FBLN1: variants seen among roughly 807,000 people sequenced by gnomAD.
FBLN1 encodes the protein fibulin-1.
Under a neutral mutation model 89.7 loss-of-function variants are expected in FBLN1, and 34 were observed. The ratio of observed to expected loss-of-function variants is 0.38; its 90% confidence interval spans 0.29 to 0.50. FBLN1 has a LOEUF of 0.50. Ranked by LOEUF, FBLN1 falls within the 20% of genes least tolerant of loss-of-function variation. The pLI is 0.92. For synonymous variants in FBLN1, 393 were observed against 391.3 expected (o/e 1.00, Z -0.05); for missense variants, 777 against 988.1 (o/e 0.79, Z 2.86).
At position 45,587,177 on chromosome 22, in the gene FBLN1, C is replaced by T. The variant is rs140851452; in HGVS notation, c.1972+10069C>T. ...CACTGGTTCCTGACGCTGGAAGGCA[C>T]GAACCCACTCCCCACACCCACAGCC... On this transcript the variant is annotated intron_variant, in intron 16 of 16. Coordinates refer to ENST00000327858, the MANE Select transcript of FBLN1 (RefSeq NM_006486.3). Among the ~76,000 whole-genome samples, 866 of 152,246 alleles carry T rather than the reference C, an allele frequency of 5.7e-3. 2 individuals are homozygous for T. The highest frequency in any genetic ancestry group is 9.5e-3 in the Non-Finnish European group (645 of 68,006).
chr22:45,587,012 T>C (rs1322808839), intron 16 of FBLN1, among the ~76,000 whole-genome samples: 3 of 152,090 alleles, frequency 2.0e-5, no homozygotes, highest in Admixed American at 1.3e-4. Context: ...GGGGGACTCC[T>C]GCGAGGCATG....
At chr22:45,555,248 C>CATATATATAT (rs71779159) in intron 14 of FBLN1, among the ~76,000 whole-genome samples, 6 of 135,098 alleles carry the variant, frequency 4.4e-5, no homozygotes, top group African/African-American at 1.9e-4. Context: ...ATGGAATATA[C>CATATATATAT]ATATATATAT....
chr22:45,511,841 A>G (rs2088105624), intron 1 of FBLN1, among the ~76,000 whole-genome samples: 1 of 152,176 alleles, frequency 6.6e-6, no homozygotes, highest in African/African-American at 2.4e-5. Flanking sequence ...TTTAACCCGC[A>G]GCGTTGCCTT....
intron 14 of FBLN1, among the ~76,000 whole-genome samples, chr22:45,555,041 A>G (rs9626379): frequency 0.089 from 12,471 of 140,604 alleles, 2,505 homozygotes; most frequent in African/African-American, 0.35. Flanking sequence ...GCAGGAGGTT[A>G]GGACCCGTCC....
Position 45,536,465 on chromosome 22 carries a change from A to G in FBLN1, c.922+1128A>G, listed in dbSNP as rs907729845. Among the ~76,000 whole-genome samples, 1 of 152,260 alleles carries G rather than the reference A, an allele frequency of 6.6e-6. No homozygotes were observed. Among genetic ancestry groups the G allele is most frequent in the African/African-American group, 2.4e-5 (1 of 41,554 alleles). Reference sequence around the variant, plus strand: ...TTGTAGTTCACATGTAGTTCACCACAATGAGAAAAGAAACTCTGGCCAGGC... The same window carrying G: ...TTGTAGTTCACATGTAGTTCACCACGATGAGAAAAGAAACTCTGGCCAGGC... On this transcript the variant is annotated intron_variant, in intron 8 of 16. Coordinates refer to ENST00000327858, the MANE Select transcript of FBLN1 (RefSeq NM_006486.3). This position sits in a 1 kb window ranked among gnomAD's most constrained non-coding sequence, Gnocchi z 5.1.
chr22:45,559,893 G>A (rs919055377), intron 14 of FBLN1, among the ~76,000 whole-genome samples: 23 of 152,328 alleles, frequency 1.5e-4, no homozygotes, highest in South Asian at 4.1e-4. Flanking sequence ...AAGAGGACCC[G>A]CCTCCCCTTC....
At chr22:45,542,913 G>A (rs1284760330) in intron 10 of FBLN1, among the ~76,000 whole-genome samples, 5 of 152,246 alleles carry the variant, frequency 3.3e-5, no homozygotes, top group African/African-American at 4.8e-5. Flanking sequence ...CGGCAGTCCC[G>A]GCTCTCCCAC....
chr22:45,571,989 C>T (rs1185103708), intron 14 of FBLN1, among the ~76,000 whole-genome samples: 1 of 152,006 alleles, frequency 6.6e-6, no homozygotes, highest in Non-Finnish European at 1.5e-5. Context: ...ATTAGCTGGT[C>T]GTGGTGGTGC....
At chr22:45,504,612 G>C (rs1047152213) in intron 1 of FBLN1, among the ~76,000 whole-genome samples, 5 of 152,154 alleles carry the variant, frequency 3.3e-5, no homozygotes, top group Non-Finnish European at 7.4e-5. Flanking sequence ...TGAGGAAGCT[G>C]AGGGCCTGAG....
Position 45,503,014 on chromosome 22 carries a change from T to G in FBLN1, c.29T>G (p.Val10Gly). Residue 10 changes from valine to glycine, a missense_variant, in exon 1 of 17, where the codon GTC becomes GGC. Val to Gly is a moderately radical substitution (Grantham distance 109). Coordinates refer to ENST00000327858, the MANE Select transcript of FBLN1 (RefSeq NM_006486.3). MERAAPSRR[V>G]PLPLLLLGGL... Reference sequence around the variant, plus strand: ...GAGCGCGCCGCGCCGTCGCGCCGGGTCCCGCTTCCGCTGCTGCTGCTCGGC... The same window carrying G: ...GAGCGCGCCGCGCCGTCGCGCCGGGGCCCGCTTCCGCTGCTGCTGCTCGGC... The G allele has an allele frequency of 8.0e-7, 1 of 1,245,060 alleles. No individual in the cohort carries two copies. Among genetic ancestry groups the G allele is most frequent in the Non-Finnish European group, 1.0e-6 (1 of 996,058 alleles). The allele number at this position is 1,245,060 out of a possible 1,614,324, so 77.1% of individuals were successfully genotyped here.
At chr22:45,587,521 G>T (rs2089098270) in intron 16 of FBLN1, among the ~76,000 whole-genome samples, 1 of 152,204 alleles carries the variant, frequency 6.6e-6, no homozygotes, top group Admixed American at 6.5e-5. Flanking sequence ...ACGAGGTAGG[G>T]AATCTGTGCT....
At chr22:45,564,014 C>G (rs736766) in intron 14 of FBLN1, among the ~76,000 whole-genome samples, 117,268 of 151,990 alleles carry the variant, frequency 0.77, 45,507 homozygotes, top group African/African-American at 0.87. Flanking sequence ...GTGATACTCA[C>G]GGGATCCTTC....
At chr22:45,595,834 C>A (rs538248311) in intron 16 of FBLN1, among the ~76,000 whole-genome samples, 2 of 152,296 alleles carry the variant, frequency 1.3e-5, no homozygotes, top group Non-Finnish European at 2.9e-5. Flanking sequence ...TGATTTGTTT[C>A]TGATTTTGAA....
chr22:45,505,451 C>T (rs2088006270), intron 1 of FBLN1, among the ~76,000 whole-genome samples: 1 of 152,220 alleles, frequency 6.6e-6, no homozygotes, highest in Non-Finnish European at 1.5e-5. Context: ...GCTGGGGCCT[C>T]TCCTGCAGCA....
At chr22:45,591,684 C>T (rs560580870) in intron 16 of FBLN1, among the ~76,000 whole-genome samples, 4 of 152,338 alleles carry the variant, frequency 2.6e-5, no homozygotes, top group African/African-American at 9.6e-5. Context: ...GTCCCTTCAA[C>T]TGCACCACCA....
rs117145414 is a variant in FBLN1 at position 45,590,090 on chromosome 22, C to A, written c.1973-10217C>A. Among the ~76,000 whole-genome samples the A allele has an allele frequency of 2.9e-3, 445 of 152,346 alleles. No individual in the cohort carries two copies. The highest frequency in any genetic ancestry group is 5.2e-3 in the Non-Finnish European group (354 of 68,032). On this transcript the variant is annotated intron_variant, in intron 16 of 16. Transcript: ENST00000327858. The surrounding 1 kb of genome is among the most constrained non-coding windows in gnomAD (Gnocchi z 4.1). ...CCAGGTGATGTTGGTAACCCCAGCACCCAGCACTGCAGCCACCCACAGCAA... is the reference window on the plus strand; with the variant it reads ...CCAGGTGATGTTGGTAACCCCAGCAACCAGCACTGCAGCCACCCACAGCAA...
chr22:45,517,357 A>G, intron 1 of FBLN1: 2 of 347,412 alleles, frequency 5.8e-6, no homozygotes, highest in Non-Finnish European at 5.7e-6. Context: ...AATGAGGTCC[A>G]AGTATGTGGG....
chr22:45,520,622 C>G (rs1380895912), intron 2 of FBLN1, among the ~76,000 whole-genome samples: 1 of 152,110 alleles, frequency 6.6e-6, no homozygotes, highest in Non-Finnish European at 1.5e-5. Flanking sequence ...AATAGGGAGC[C>G]ACTACTATTA....
intron 1 of FBLN1, among the ~76,000 whole-genome samples, chr22:45,516,124 G>A (rs779342070): frequency 1.3e-5 from 2 of 152,186 alleles, no homozygotes; most frequent in African/African-American, 4.8e-5. Context: ...GCAGGCAGGC[G>A]GCCAGGAGAG....
Sources: allele counts gnomAD v4.1 joint callset (sites outside exome capture counted in the v4.1 genomes callset), GRCh38; gene constraint gnomAD v4.1.1; non-coding constraint Gnocchi (gnomAD v3.1); transcripts MANE v1.5; gene names NCBI Gene and HGNC (gene_info 2026-07-23, HGNC 2026-07-21).